Variants in EML1 observed in about 807,000 individuals in gnomAD.
EML1 encodes EMAP like 1.
EML1 carries 27 observed loss-of-function variants against 110.4 expected under a neutral mutation model. That is an observed-to-expected ratio of 0.24 (90% CI 0.18 to 0.34). The LOEUF (loss-of-function observed/expected upper bound fraction) is 0.34, where lower values mean the gene tolerates loss of function less well. Among genes scored for constraint, EML1 ranks in the 10% least tolerant of loss-of-function variants. The probability of loss-of-function intolerance (pLI) is 1.00; values close to 1 mark genes in which losing one functional copy is unlikely to be tolerated. For missense variants in EML1, 741 were observed against 1,030.9 expected, an observed-to-expected ratio of 0.72 and a Z score of 3.85; for synonymous variants, 344 against 385.8, an observed-to-expected ratio of 0.89 and a Z score of 1.27.
intron 1 of EML1, among the ~76,000 whole-genome samples, chr14:99,748,495 G>A (rs766042160): frequency 1.3e-5 from 2 of 151,472 alleles, no homozygotes; most frequent in African/African-American, 4.9e-5. Context: ...TAGACCCAGC[G>A]CAGTGACTCA....
intron 1 of EML1, among the ~76,000 whole-genome samples, chr14:99,807,917 C>A (rs1317528243): frequency 6.6e-6 from 1 of 152,176 alleles, no homozygotes; most frequent in African/African-American, 2.4e-5. Context: ...GGTCTTACCA[C>A]ACCCCTCTGC....
chr14:99,850,183 C>A, intron 1 of EML1: 1 of 751,222 alleles, frequency 1.3e-6, no homozygotes, highest in Non-Finnish European at 2.0e-6. Context: ...AAGCAGTCTG[C>A]CTACCTCAGC....
At position 99,784,241 on chromosome 14, in the gene EML1, T is replaced by C. The variant is rs929370254; in HGVS notation, c.-27+10228T>C. On this transcript the variant is annotated intron_variant, in intron 1 of 22. Transcript: ENST00000327921. This position sits in a 1 kb window ranked among gnomAD's most constrained non-coding sequence, Gnocchi z 4.5. The stretch of plus-strand genomic sequence containing the variant: ...CTGAGTAGCTGGGACCACAGGCACA[T>C]GCTACCACGCTTGGCTAATTTTTGT... Among the ~76,000 whole-genome samples the C allele has an allele frequency of 2.0e-5, 3 of 152,150 alleles. No homozygotes were observed. Among genetic ancestry groups the C allele is most frequent in the African/African-American group, 7.2e-5 (3 of 41,448 alleles).
rs2058377021 is a variant in EML1 at position 99,827,361 on chromosome 14, A to G, written c.68-23492A>G. On this transcript the variant is annotated intron_variant, in intron 1 of 21. Transcript: ENST00000262233. The surrounding 1 kb of genome is among the most constrained non-coding windows in gnomAD (Gnocchi z 4.4). ...TGAGTACCCTGGCAGCATAGCTGGT[A>G]TGAGTACTCGAAGTACCCCGGCAGA... Among the ~76,000 whole-genome samples the G allele has an allele frequency of 6.6e-6, 1 of 151,804 alleles. No individual in the cohort carries two copies. The highest frequency in any genetic ancestry group is 1.5e-5 in the Non-Finnish European group (1 of 67,950).
intron 4 of EML1, among the ~76,000 whole-genome samples, chr14:99,880,915 G>T (rs2059374657): frequency 6.6e-6 from 1 of 152,214 alleles, no homozygotes; most frequent in African/African-American, 2.4e-5. Flanking sequence ...AGACAGGCTT[G>T]TGTGGAGCAG....
intron 1 of EML1, among the ~76,000 whole-genome samples, chr14:99,747,089 G>C (rs2057118240): frequency 1.3e-5 from 2 of 151,226 alleles, no homozygotes; most frequent in South Asian, 4.2e-4. Flanking sequence ...TCAGAAGGCT[G>C]AGGGAGGAGA....
intron 2 of EML1, among the ~76,000 whole-genome samples, chr14:99,852,691 T>C (rs955493026): frequency 6.6e-6 from 1 of 152,146 alleles, no homozygotes; most frequent in Non-Finnish European, 1.5e-5. Flanking sequence ...TTCCTTAGAG[T>C]TGGGAGGGAG....
rs72708400 is a variant in EML1, at chr14:99,846,843, A to T, written c.68-4010A>T. ...TACTCATTTACCCATTTATTCATTA[A>T]TTTACCAAATATTTATTGAGTTCTC... On this transcript the variant is annotated intron_variant, in intron 1 of 21. Coordinates refer to ENST00000262233, the MANE Select transcript of EML1 (RefSeq NM_004434.3). Among the ~76,000 whole-genome samples the T allele has an allele frequency of 8.3e-3, 1,259 of 152,282 alleles. 6 individuals are homozygous for T. The highest frequency in any genetic ancestry group is 0.014 in the Non-Finnish European group (931 of 68,020).
chr14:99,822,308 T>C lies in EML1; in HGVS notation c.68-28545T>C, dbSNP rs186642622. The stretch of plus-strand genomic sequence containing the variant: ...GAATACATGTGCATGTGGCTGTGTG[T>C]GTATGTGTGTGAGAGAGAGAGGGGA... On this transcript the variant is annotated intron_variant, in intron 1 of 21. Coordinates refer to ENST00000262233, the MANE Select transcript of EML1 (RefSeq NM_004434.3). Among the ~76,000 whole-genome samples, 13 of 152,304 alleles carry C rather than the reference T, an allele frequency of 8.5e-5. No homozygotes were observed. The East Asian group carries it at 2.3e-3, about 27-fold the overall frequency.
intron 2 of EML1, among the ~76,000 whole-genome samples, chr14:99,856,164 A>G (rs1366339248): frequency 6.6e-6 from 1 of 152,226 alleles, no homozygotes; most frequent in East Asian, 1.9e-4. Flanking sequence ...CCCAGGCTAC[A>G]CAAGGGCTAA....
chr14:99,892,035 A>C, intron 5 of EML1: 17 of 561,330 alleles, frequency 3.0e-5, no homozygotes, highest in Non-Finnish European at 3.8e-5. Context: ...AGATTTTAAG[A>C]CTGGGGGGCA....
intron 2 of EML1, among the ~76,000 whole-genome samples, chr14:99,858,967 T>C (rs922777335): frequency 6.6e-6 from 1 of 152,226 alleles, no homozygotes; most frequent in Non-Finnish European, 1.5e-5. Context: ...GCATTATTGA[T>C]GTGATGTAAG....
In EML1 at chr14:99,867,855, T is replaced by C. The variant is rs539351496; in HGVS notation, c.383+2209T>C. On this transcript the variant is annotated intron_variant, in intron 3 of 21. Transcript: ENST00000262233. ...GCTCTGGGTAGGACTTTGAGTACTA[T>C]GTTGAATAATAGTGGCAAGAGTGGG... Among the ~76,000 whole-genome samples, 4 of 152,336 alleles carry C rather than the reference T, an allele frequency of 2.6e-5. No homozygotes were observed. In the East Asian group the frequency reaches 7.7e-4, roughly 29 times the overall value.
intron 1 of EML1, among the ~76,000 whole-genome samples, chr14:99,774,522 C>A (rs185535951): frequency 3.5e-4 from 53 of 152,348 alleles, no homozygotes; most frequent in Non-Finnish European, 6.8e-4. Flanking sequence ...CTCAGACCTC[C>A]CCATATCCAC....
At chr14:99,862,894 G>A (rs1183377981) in intron 2 of EML1, among the ~76,000 whole-genome samples, 3 of 152,176 alleles carry the variant, frequency 2.0e-5, no homozygotes, top group Non-Finnish European at 4.4e-5. Flanking sequence ...GGCCCTGTCA[G>A]CAGACAGAGC....
intron 1 of EML1, among the ~76,000 whole-genome samples, chr14:99,826,242 AACTG>A (rs1301680651): frequency 1.3e-5 from 2 of 151,192 alleles, no homozygotes; most frequent in African/African-American, 4.9e-5. Flanking sequence ...CCTCTCGAGT[AACTG>A]GGATTACAGG....
At chr14:99,877,363 T>G (rs942085004) in intron 3 of EML1, among the ~76,000 whole-genome samples, 2 of 152,072 alleles carry the variant, frequency 1.3e-5, no homozygotes, top group African/African-American at 2.4e-5. Context: ...CAGTCCATAG[T>G]GTGCTCTAAG....
At chr14:99,770,770 T>G (rs2140201516), upstream of EML1, among the ~76,000 whole-genome samples, 1 of 147,532 alleles carries the variant, frequency 6.8e-6, no homozygotes, top group African/African-American at 2.5e-5. Context: ...CTTACAGCAG[T>G]TTCCGCTGAT....
chr14:99,835,662 G>A (rs562963893), intron 1 of EML1, among the ~76,000 whole-genome samples: 1 of 152,210 alleles, frequency 6.6e-6, no homozygotes, highest in Admixed American at 6.5e-5. Context: ...GTGTTTTTAT[G>A]TTCATTCAGT....
Sources: gnomAD v4.1 joint callset for allele counts (sites outside exome capture counted in the v4.1 genomes callset) on GRCh38, gnomAD v4.1.1 for gene constraint, Gnocchi (gnomAD v3.1) non-coding constraint, MANE v1.5 for transcripts, NCBI Gene and HGNC (gene_info 2026-07-23, HGNC 2026-07-21) for gene names.